The following NRG3 variants were observed in gnomAD, a reference collection of about 807,000 sequenced individuals.
NRG3 encodes the protein neuregulin 3.
In NRG3, 31 loss-of-function variants were observed where a neutral mutation model predicts 66.9. The ratio of observed to expected loss-of-function variants is 0.46; its 90% CI spans 0.35 to 0.63. The LOEUF is 0.63. NRG3 is among the 20% of genes least tolerant of loss of function. The pLI is 0.00. For synonymous variants in NRG3, 393 were observed against 359.4 expected, an observed-to-expected ratio of 1.09 and a Z score of -1.06; for missense variants, 910 against 878.9, an observed-to-expected ratio of 1.04 and a Z score of -0.45.
At chr10:82,848,441 T>C (rs901093616) in intron 3 of NRG3, among the ~76,000 whole-genome samples, 1 of 152,200 alleles carries the variant, frequency 6.6e-6, no homozygotes, top group African/African-American at 2.4e-5. Flanking sequence ...ATTTACCCAA[T>C]GCCTTTACCC....
intron 2 of NRG3, among the ~76,000 whole-genome samples, chr10:82,405,050 A>T (rs911427001): frequency 6.6e-6 from 1 of 152,170 alleles, no homozygotes; most frequent in Non-Finnish European, 1.5e-5. Flanking sequence ...TTCTGTTCTG[A>T]TGAATATTTG....
intron 2 of NRG3, among the ~76,000 whole-genome samples, chr10:82,528,885 T>C (rs1427796971): frequency 6.6e-6 from 1 of 152,134 alleles, no homozygotes; most frequent in Non-Finnish European, 1.5e-5. Flanking sequence ...GGAGACCACA[T>C]GACCTGGATG....
chr10:82,566,797 T>G (rs2045436342), intron 2 of NRG3, among the ~76,000 whole-genome samples: 1 of 151,968 alleles, frequency 6.6e-6, no homozygotes, highest in Admixed American at 6.6e-5. Context: ...ATAAAAAATT[T>G]TTCTAAATAA....
rs1194129376 is a variant in NRG3, at chr10:82,774,820, TC to T, written c.1027+36171del. Among the ~76,000 whole-genome samples, 533 of 141,590 alleles carry T rather than the reference TC, an allele frequency of 3.8e-3. 29 individuals are homozygous for T. Among genetic ancestry groups the T allele is most frequent in the African/African-American group, 0.015 (505 of 34,774 alleles). The allele number at this position is 141,590 out of a possible 152,430, so 92.9% of individuals were successfully genotyped here. On this transcript the variant is annotated intron_variant, in intron 3 of 8. Coordinates refer to ENST00000372141, the MANE Select transcript of NRG3 (RefSeq NM_001010848.4). Reference sequence around the variant, plus strand: ...CAGTTTTATTTTCCTTTTTCTTTTTTCTTTTTTTTTTTTTTTTTTTTTGAGA... The same window carrying T: ...CAGTTTTATTTTCCTTTTTCTTTTTTTTTTTTTTTTTTTTTTTTTTTGAGA...
chr10:81,919,663 T>C (rs1203929350), intron 1 of NRG3, among the ~76,000 whole-genome samples: 2 of 151,892 alleles, frequency 1.3e-5, no homozygotes, highest in Admixed American at 6.6e-5. Context: ...AATGACAGGT[T>C]CCCCCAAAAA....
chr10:82,417,665 C>A lies in NRG3; in HGVS notation c.953+58797C>A, dbSNP rs767715238. On this transcript the variant is annotated intron_variant, in intron 2 of 8. Transcript: ENST00000372141. ...CAGAAGGGGAAACTGAGGCACGGGG[C>A]GGTGAAGTAACTCCCAGAATGTTCA... Among the ~76,000 whole-genome samples the A allele has an allele frequency of 3.9e-5, 6 of 152,218 alleles. No homozygotes were observed. The East Asian group carries it at 7.7e-4, about 20-fold the overall frequency.
intron 3 of NRG3, among the ~76,000 whole-genome samples, chr10:82,782,383 C>A (rs1040408823): frequency 6.6e-6 from 1 of 152,072 alleles, no homozygotes; most frequent in Non-Finnish European, 1.5e-5. Context: ...AAGGGCCTCA[C>A]CAGATGCAGG....
In NRG3 at chr10:82,199,873, C is replaced by CGTGT. The variant is rs1564656239; in HGVS notation, c.824-158866_824-158865insGTGT. Among the ~76,000 whole-genome samples the CGTGT allele has an allele frequency of 2.8e-3, 304 of 109,588 alleles. 3 individuals are homozygous for CGTGT. The highest frequency in any genetic ancestry group is 8.5e-3 in the African/African-American group (246 of 28,932). 71.9% of individuals were successfully genotyped at this position (109,588 alleles called of 152,430 possible). The stretch of plus-strand genomic sequence containing the variant: ...CGCTATCTGTGTTATTGAGAGTGTG[C>CGTGT]ATGTGTGTGTGTGTGCGTGTGTGTG... On this transcript the variant is annotated intron_variant, in intron 1 of 8. Transcript: ENST00000372141.
rs1446786960 is a variant in NRG3 at position 82,227,707 on chromosome 10, G to A, written c.824-131032G>A. On this transcript the variant is annotated intron_variant, in intron 1 of 8. Coordinates refer to ENST00000372141, the MANE Select transcript of NRG3 (RefSeq NM_001010848.4). ...TCAATAAATGATTTTTAAATAAAAT[G>A]CTTTTCTTGAATATAAAAAACATGG... is the stretch of plus-strand genomic sequence containing the variant. Among the ~76,000 whole-genome samples the A allele has an allele frequency of 2.6e-5, 4 of 152,228 alleles. No homozygotes were observed. In the East Asian group the frequency reaches 7.7e-4, roughly 29 times the overall value.
chr10:82,733,239 A>G (rs2058004421), intron 2 of NRG3, among the ~76,000 whole-genome samples: 1 of 152,194 alleles, frequency 6.6e-6, no homozygotes, highest in Non-Finnish European at 1.5e-5. Flanking sequence ...TGTATTCTTC[A>G]TATATTTGTC....
At chr10:81,968,209 A>G (rs1029550274) in intron 1 of NRG3, among the ~76,000 whole-genome samples, 1 of 152,216 alleles carries the variant, frequency 6.6e-6, no homozygotes, top group Non-Finnish European at 1.5e-5. Flanking sequence ...CAAGCCTCCT[A>G]GGGCCTGGTA....
chr10:82,434,539 G>A (rs1260514033), intron 2 of NRG3, among the ~76,000 whole-genome samples: 1 of 151,736 alleles, frequency 6.6e-6, no homozygotes, highest in Non-Finnish European at 1.5e-5. Context: ...TTTTTGAAGG[G>A]TACTTCCAGC....
intron 2 of NRG3, among the ~76,000 whole-genome samples, chr10:82,560,564 T>C (rs2044972066): frequency 6.6e-6 from 1 of 151,124 alleles, no homozygotes; most frequent in South Asian, 2.1e-4. Flanking sequence ...TCTTGTTTTA[T>C]CTAGATTTAT....
intron 1 of NRG3, among the ~76,000 whole-genome samples, chr10:81,904,718 C>G (rs1432205499): frequency 1.3e-5 from 2 of 152,082 alleles, no homozygotes; most frequent in Non-Finnish European, 2.9e-5. Context: ...GTTTCATGTT[C>G]CCTGCAGCAT....
intron 1 of NRG3, among the ~76,000 whole-genome samples, chr10:81,982,123 C>T (rs978937515): frequency 6.6e-6 from 1 of 152,052 alleles, no homozygotes; most frequent in Non-Finnish European, 1.5e-5. Context: ...TTACTATAAG[C>T]AGTAAGGAGA....
At chr10:82,047,294 A>G (rs1327570104) in intron 1 of NRG3, among the ~76,000 whole-genome samples, 2 of 152,042 alleles carry the variant, frequency 1.3e-5, no homozygotes, top group African/African-American at 4.8e-5. Flanking sequence ...AAGACACATG[A>G]TTGTCAGATT....
At chr10:82,754,810 C>T (rs755179874) in intron 3 of NRG3, among the ~76,000 whole-genome samples, 69 of 151,954 alleles carry the variant, frequency 4.5e-4, no homozygotes, top group Non-Finnish European at 8.7e-4. Context: ...AAAATTGTAA[C>T]ATTATGAGGG....
chr10:82,184,926 C>G (rs1462909097), intron 1 of NRG3, among the ~76,000 whole-genome samples: 2 of 152,140 alleles, frequency 1.3e-5, no homozygotes, highest in Non-Finnish European at 2.9e-5. Flanking sequence ...AAATGAGATG[C>G]TTAATTACAT....
chr10:82,585,071 G>A (rs1046561080), intron 2 of NRG3, among the ~76,000 whole-genome samples: 9 of 152,092 alleles, frequency 5.9e-5, no homozygotes, highest in South Asian at 4.2e-4. Context: ...AAAATGCGTC[G>A]AAGACTGCAA....
Sources: gnomAD v4.1 joint callset for allele counts (sites outside exome capture counted in the v4.1 genomes callset) on GRCh38, gnomAD v4.1.1 for gene constraint, MANE v1.5 for transcripts, NCBI Gene and HGNC (gene_info 2026-07-23, HGNC 2026-07-21) for gene names.